The following ITGA7 variants were observed in gnomAD, a reference collection of about 807,000 sequenced individuals.
ITGA7 encodes integrin alpha-7.
Under a neutral mutation model 131.6 loss-of-function variants are expected in ITGA7, and 84 were observed. The observed-to-expected ratio is 0.64, with a 90% CI of 0.54 to 0.77. The LOEUF is 0.77. Among genes scored for constraint, ITGA7 ranks in the 30% least tolerant of loss-of-function variants. The pLI, the probability that ITGA7 is intolerant of heterozygous loss-of-function variation, is 0.00. For synonymous variants in ITGA7, 548 were observed against 600.7 expected, an observed-to-expected ratio of 0.91 and a Z score of 1.28; for missense variants, 1,399 against 1,482.9, an observed-to-expected ratio of 0.94 and a Z score of 0.93.
rs751647692 is a variant in ITGA7, at chr12:55,693,198, G to A, written c.2655C>T (p.Gly885=). Residue 885 remains glycine (G), a synonymous_variant, in exon 20 of 25, where the codon GGC becomes GGT. Transcript: ENST00000257879. ...GCCCTTTCTGCCCAGGCCCCTGCCCGCCCTCCAGCTCAACCTGCATTGGGT... is the reference window on the plus strand; with the variant it reads ...GCCCTTTCTGCCCAGGCCCCTGCCCACCCTCCAGCTCAACCTGCATTGGGT... ...LLYPMQVELE[G]GQGPGQKGLC... 18 of 1,613,744 alleles carry A rather than the reference G, an allele frequency of 1.1e-5. No individual in the cohort carries two copies. The highest frequency in any genetic ancestry group is 3.3e-4 in the Middle Eastern group (2 of 6,062).
At chr12:55,693,683 G>A (rs1871979660) in intron 19 of ITGA7, among the ~76,000 whole-genome samples, 1 of 152,144 alleles carries the variant, frequency 6.6e-6, no homozygotes, top group African/African-American at 2.4e-5. Context: ...TGTGAGGAGA[G>A]GCCCCAGCCA....
chr12:55,687,487 CTT>C (rs34640494), intron 24 of ITGA7, among the ~76,000 whole-genome samples: 3,900 of 59,878 alleles, frequency 0.065, 238 homozygotes, highest in African/African-American at 0.27. Flanking sequence ...CCATGCCCGG[CTT>C]TTTTTTTTTT....
In ITGA7 at chr12:55,701,125, C is replaced by A. The variant is rs1873915489; in HGVS notation, c.444G>T (p.Gln148His). The A allele has an allele frequency of 6.2e-7, 1 of 1,614,118 alleles. No homozygotes were observed. The change falls in exon 4 of 25, where the codon CAG (glutamine) becomes CAT (histidine). Residue 148 changes from glutamine to histidine, a missense_variant. Physicochemically the swap from Gln to His is conservative, Grantham distance 24. Coordinates refer to ENST00000257879, the MANE Select transcript of ITGA7 (RefSeq NM_002206.3). ...GCGTCTCCAGGATCTGGTCCACTCG[C>A]TGCCTTGCCTCATATCGGTGTGCAC... ...VTCAHRYEAR[Q>H]RVDQILETRD...
Position 55,703,172 on chromosome 12 carries a change from C to T in ITGA7, c.213G>A (p.Leu71=), listed in dbSNP as rs753477247. The T allele has an allele frequency of 2.5e-6, 4 of 1,609,868 alleles. No homozygotes were observed. ...QLQPRPQSWL[L]VGAPQALALP... is the part of the protein sequence containing the mutation. ...GAGCCAGGGCCTGGGGAGCACCCAC[C>T]AGCAGCCTGCAAGATGGGGCAGGGG... Residue 71 remains leucine (L), a synonymous_variant, in exon 2 of 25, where the codon CTG becomes CTA. Transcript: ENST00000257879.
chr12:55,701,347 C>T (rs1469800669), intron 3 of ITGA7, 193 bp from the exon 4 acceptor site: 2 of 1,555,314 alleles, frequency 1.3e-6, no homozygotes, highest in African/African-American at 1.4e-5. Flanking sequence ...TACACAGGTC[C>T]ATGCATAACC....
At chr12:55,696,512 C>T in intron 12 of ITGA7, 80 bp from the exon 13 acceptor site, 1 of 1,454,956 alleles carries the variant, frequency 6.9e-7, no homozygotes, top group Non-Finnish European at 9.4e-7. Flanking sequence ...AGACCTAGGA[C>T]CAATTCTAAA....
chr12:55,693,340 G>C lies in ITGA7; in HGVS notation c.2536-23C>G, dbSNP rs1203441601. On this transcript the variant is annotated intron_variant, in intron 19 of 24. Transcript: ENST00000257879. ...AACCTGTGGGAAAAAGAGAGTATGA[G>C]GGGAGAGACCTCAGTTTTTCTTTTT... The C allele has an allele frequency of 3.7e-6, 6 of 1,604,376 alleles. No individual in the cohort carries two copies. The Admixed American group carries it at 6.7e-5, about 18-fold the overall frequency.
rs764231665 is a variant in ITGA7, at chr12:55,700,002, G to C, written c.671-13C>G. On this transcript the variant is annotated splice_polypyrimidine_tract_variant and intron_variant, in intron 4 of 24. Coordinates refer to ENST00000257879, the MANE Select transcript of ITGA7 (RefSeq NM_002206.3). Reference sequence around the variant, plus strand: ...ACAAAAAGCAACCCTGTGGGGGGTGGGGTGAGACACCAGGGAGGGGACATC... The same window carrying C: ...ACAAAAAGCAACCCTGTGGGGGGTGCGGTGAGACACCAGGGAGGGGACATC... The C allele has an allele frequency of 6.2e-7, 1 of 1,613,946 alleles. No homozygotes were observed. Among genetic ancestry groups the C allele is most frequent in the African/African-American group, 1.3e-5 (1 of 75,016 alleles).
chr12:55,701,052 G>A lies in ITGA7; in HGVS notation c.517C>T (p.Arg173Trp), dbSNP rs368130279. ...CFVLSQDLAI[R>W]DELDGGEWKF... ...CATTCCCCACCATCCAACTCATCCC[G>A]GATGGCCAGGTCCTGGCTGAGCACA... The change falls in exon 4 of 25, where the codon CGG (arginine) becomes TGG (tryptophan). Residue 173 changes from arginine (R) to tryptophan (W), a missense_variant. By Grantham distance (101) the Arg-to-Trp change is moderately radical (BLOSUM62 -3). Coordinates refer to ENST00000257879, the MANE Select transcript of ITGA7 (RefSeq NM_002206.3). 152 of 1,614,080 alleles carry A rather than the reference G, an allele frequency of 9.4e-5. No homozygotes were observed. Among genetic ancestry groups the A allele is most frequent in the Non-Finnish European group, 1.0e-4 (120 of 1,180,038 alleles).
chr12:55,691,181 A>G (rs559502789), intron 21 of ITGA7, among the ~76,000 whole-genome samples: 2 of 152,260 alleles, frequency 1.3e-5, no homozygotes, highest in African/African-American at 4.8e-5. Flanking sequence ...AATCTACTTT[A>G]GACATTATGT....
chr12:55,687,297 C>T (rs1160476985), intron 24 of ITGA7, among the ~76,000 whole-genome samples: 2 of 150,490 alleles, frequency 1.3e-5, no homozygotes, highest in African/African-American at 4.9e-5. Flanking sequence ...CCTGTCTCAG[C>T]CTCCCAAGTA....
In ITGA7 at chr12:55,693,254, G is replaced by A. The variant is rs1218414091; in HGVS notation, c.2599C>T (p.His867Tyr). The change falls in exon 20 of 25, where the codon CAT (histidine) becomes TAT (tyrosine). Residue 867 changes from histidine (H) to tyrosine (Y), a missense_variant. Physicochemically the swap from His to Tyr is moderately conservative, Grantham distance 83 (BLOSUM62 2). Coordinates refer to ENST00000257879, the MANE Select transcript of ITGA7 (RefSeq NM_002206.3). ...AACCACTTCCCATTGGCAATCTCAT[G>A]AGGCCACATGATGTTGAGGAAGGCA... ...GSAFLNIMWP[H>Y]EIANGKWLLY... The A allele has an allele frequency of 6.2e-7, 1 of 1,614,004 alleles. No individual in the cohort carries two copies. Among genetic ancestry groups the A allele is most frequent in the Non-Finnish European group, 8.5e-7 (1 of 1,180,038 alleles).
Position 55,694,343 on chromosome 12 carries a change from C to T in ITGA7, c.2358-13G>A. On this transcript the variant is annotated splice_polypyrimidine_tract_variant and intron_variant, in intron 17 of 24. Coordinates refer to ENST00000257879, the MANE Select transcript of ITGA7 (RefSeq NM_002206.3). This position sits in a 1 kb window ranked among gnomAD's most constrained non-coding sequence, Gnocchi z 5.3. ...CTGCTCACTGATCCTGGTGAGTGGG[C>T]AGGGGCAAGTATGGGCATCAGGCAC... The T allele has an allele frequency of 6.2e-7, 1 of 1,613,640 alleles. No homozygotes were observed. The highest frequency in any genetic ancestry group is 8.5e-7 in the Non-Finnish European group (1 of 1,179,990).
At chr12:55,716,039 G>C, upstream of ITGA7, 1 of 1,544,862 alleles carries the variant, frequency 6.5e-7, no homozygotes. Context: ...ACGTGACACA[G>C]CGGTCACGTG....
chr12:55,699,549 C>A (rs1429870875), intron 5 of ITGA7: 1 of 425,294 alleles, frequency 2.4e-6, no homozygotes, highest in African/African-American at 2.0e-5. Flanking sequence ...TGCCCACCAT[C>A]CATCCCCTCA....
Position 55,701,043 on chromosome 12 carries a change from A to G in ITGA7, c.526T>C (p.Leu176=). The change falls in exon 4 of 25, where the codon TTG becomes CTG. Residue 176 remains leucine, a synonymous_variant. Coordinates refer to ENST00000257879, the MANE Select transcript of ITGA7 (RefSeq NM_002206.3). ...LSQDLAIRDE[L]DGGEWKFCEG... is the part of the protein sequence containing the mutation. ...CAGAACTTCCATTCCCCACCATCCA[A>G]CTCATCCCGGATGGCCAGGTCCTGG... 1 of 1,613,910 alleles carries G rather than the reference A, an allele frequency of 6.2e-7. No individual in the cohort carries two copies. Among genetic ancestry groups the G allele is most frequent in the South Asian group, 1.1e-5 (1 of 91,074 alleles).
chr12:55,689,041 C>A, intron 21 of ITGA7, 84 bp from the exon 22 acceptor site: 1 of 1,006,494 alleles, frequency 9.9e-7, no homozygotes, highest in Non-Finnish European at 1.6e-6. Flanking sequence ...CTTACTTGAC[C>A]TCAAACTCCC....
At chr12:55,700,714 C>A (rs897328904) in intron 4 of ITGA7, 185 bp downstream of exon 4, 10 of 778,066 alleles carry the variant, frequency 1.3e-5, no homozygotes, top group Non-Finnish European at 2.1e-5. Flanking sequence ...CTTGGCCGTG[C>A]GAGGGAAAGG....
Position 55,701,169 on chromosome 12 carries a change from G to C in ITGA7, c.415-15C>G. The C allele has an allele frequency of 6.2e-7, 1 of 1,614,154 alleles. No individual in the cohort carries two copies. Among genetic ancestry groups the C allele is most frequent in the Non-Finnish European group, 8.5e-7 (1 of 1,180,032 alleles). On this transcript the variant is annotated splice_polypyrimidine_tract_variant and intron_variant, in intron 3 of 24. Transcript: ENST00000257879. ...TGTGCACAGGTCTGGGGGAGGAAGG[G>C]ATGGGGATCATTTCACTCTGTGGGC...
Sources: gnomAD v4.1 joint callset for allele counts (sites outside exome capture counted in the v4.1 genomes callset) on GRCh38, gnomAD v4.1.1 for gene constraint, Gnocchi (gnomAD v3.1) non-coding constraint, MANE v1.5 for transcripts, NCBI Gene and HGNC (gene_info 2026-07-23, HGNC 2026-07-21) for gene names.